The following RGS7 variants were observed in gnomAD, a reference collection of about 807,000 sequenced individuals.
RGS7 encodes regulator of G-protein signaling 7.
A neutral mutation model predicts 81.1 loss-of-function variants in RGS7; 27 were observed. That is an observed-to-expected ratio of 0.33 (90% CI 0.25 to 0.46). The LOEUF (loss-of-function observed/expected upper bound fraction) is 0.46, where lower values mean the gene tolerates loss of function less well. RGS7 is among the 20% of genes least tolerant of loss of function. RGS7 has a pLI of 1.00. For synonymous variants in RGS7, 208 were observed against 207.7 expected, an observed-to-expected ratio of 1.00 and a Z score of -0.01; for missense variants, 396 against 607.4, an observed-to-expected ratio of 0.65 and a Z score of 3.66.
chr1:241,139,019 T>G (rs1186726746), intron 2 of RGS7, among the ~76,000 whole-genome samples: 3 of 152,190 alleles, frequency 2.0e-5, no homozygotes, highest in African/African-American at 4.8e-5. Context: ...CACTACAGAT[T>G]GGCCTTTTCT....
rs2068180504 is a variant in RGS7, at chr1:241,144,783, G to GA, written c.79-46022dup. On this transcript the variant is annotated intron_variant, in intron 2 of 18. Transcript: ENST00000440928. The surrounding 1 kb of genome is among the most constrained non-coding windows in gnomAD (Gnocchi z 4.7). ...CCCCACAGCCGCCTGTTGGGCAAAG[G>GA]AACCCTGGAACTCGTTGAGGTTGCA... 6.6e-6 allele frequency among the ~76,000 whole-genome samples: 1 copy of GA among 152,146 alleles called. No homozygotes were observed. Among genetic ancestry groups the GA allele is most frequent in the South Asian group, 2.1e-4 (1 of 4,826 alleles).
chr1:241,319,570 G>C (rs1186706283), intron 2 of RGS7, among the ~76,000 whole-genome samples: 2 of 151,878 alleles, frequency 1.3e-5, no homozygotes, highest in African/African-American at 2.4e-5. Context: ...TGTCACCCAG[G>C]CTGGAGTTCA....
chr1:240,794,225 G>A (rs964746210), intron 18 of RGS7, among the ~76,000 whole-genome samples: 2 of 151,928 alleles, frequency 1.3e-5, no homozygotes, highest in Non-Finnish European at 1.5e-5. Context: ...TCTAGAAAAA[G>A]AACTTTCTGA....
At chr1:241,334,254 C>G (rs757270425) in intron 2 of RGS7, among the ~76,000 whole-genome samples, 1 of 152,064 alleles carries the variant, frequency 6.6e-6, no homozygotes, top group Admixed American at 6.6e-5. Flanking sequence ...AGTTAAAAAT[C>G]TTTTTCCCAT....
At chr1:240,944,260 A>ATGTGTG (rs35591630) in intron 4 of RGS7, among the ~76,000 whole-genome samples, 1,271 of 51,684 alleles carry the variant, frequency 0.025, 70 homozygotes, top group African/African-American at 0.039. Context: ...GTTATATTAT[A>ATGTGTG]TGTGTGTGTG....
At position 241,219,175 on chromosome 1, in the gene RGS7, C is replaced by G. The variant is rs569025430; in HGVS notation, c.79-120413G>C. Among the ~76,000 whole-genome samples, 18 of 152,278 alleles carry G rather than the reference C, an allele frequency of 1.2e-4. No homozygotes were observed. The South Asian group carries it at 3.7e-3, about 32-fold the overall frequency. On this transcript the variant is annotated intron_variant, in intron 2 of 18. Transcript: ENST00000440928. ...GGTTTGGCTGTGTCCCCACCCAAAT[C>G]TCATCTTGGATTTCCACATGTTGTG... is the stretch of plus-strand genomic sequence containing the variant.
intron 3 of RGS7, among the ~76,000 whole-genome samples, chr1:241,018,521 T>A (rs879803639): frequency 6.6e-6 from 1 of 152,086 alleles, no homozygotes; most frequent in Non-Finnish European, 1.5e-5. Flanking sequence ...TTGTTTCTAT[T>A]TTTTTGTCTT....
At chr1:240,855,327 A>G (rs74970397) in intron 9 of RGS7, among the ~76,000 whole-genome samples, 10,053 of 36,616 alleles carry the variant, frequency 0.27, 2,829 homozygotes, top group African/African-American at 0.57. Context: ...AAAAAAAAAA[A>G]GGAGAAACAA....
chr1:240,972,444 G>A (rs536129797), intron 4 of RGS7, among the ~76,000 whole-genome samples: 2 of 143,352 alleles, frequency 1.4e-5, no homozygotes, highest in East Asian at 4.1e-4. Context: ...ACTATCGCAA[G>A]AACAAAAAAC....
intron 2 of RGS7, among the ~76,000 whole-genome samples, chr1:241,279,854 T>G (rs1422591191): frequency 6.6e-6 from 1 of 152,208 alleles, no homozygotes; most frequent in Non-Finnish European, 1.5e-5. Flanking sequence ...CAGCCCAACT[T>G]TCTAGAGATT....
At chr1:241,269,665 G>A (rs1035459569) in intron 2 of RGS7, among the ~76,000 whole-genome samples, 5 of 152,128 alleles carry the variant, frequency 3.3e-5, no homozygotes, top group African/African-American at 7.2e-5. Context: ...GGAAGAAATC[G>A]AAAAAGAAAG....
At chr1:241,303,119 A>G (rs2079872683) in intron 2 of RGS7, among the ~76,000 whole-genome samples, 1 of 145,430 alleles carries the variant, frequency 6.9e-6, no homozygotes, top group South Asian at 2.2e-4. Context: ...TTACTATCTG[A>G]TATGGTTTGG....
chr1:241,114,101 G>T (rs1482822439), intron 2 of RGS7, among the ~76,000 whole-genome samples: 6 of 152,062 alleles, frequency 3.9e-5, no homozygotes, highest in Non-Finnish European at 7.4e-5. Context: ...ACAGAATTCT[G>T]ACCCACAGCC....
At chr1:241,259,667 A>AAAAAAAAAAAAAAAAAAAAATATATATAT in intron 2 of RGS7, among the ~76,000 whole-genome samples, 1 of 49,146 alleles carries the variant, frequency 2.0e-5, no homozygotes, top group Non-Finnish European at 3.6e-5. Context: ...AAAAAAAAAA[A>AAAAAAAAAAAAAAAAAAAAATATATATAT]ATATATATAT....
intron 4 of RGS7, among the ~76,000 whole-genome samples, chr1:240,956,160 T>C (rs1425449342): frequency 6.6e-6 from 1 of 152,138 alleles, no homozygotes; most frequent in Non-Finnish European, 1.5e-5. Context: ...TCATTTCACT[T>C]GATGCACACA....
intron 3 of RGS7, among the ~76,000 whole-genome samples, chr1:241,057,054 CTT>C (rs5782173): frequency 2.0e-5 from 3 of 147,510 alleles, no homozygotes; most frequent in African/African-American, 2.5e-5. Context: ...ATTTCCAAGA[CTT>C]TTTTTTTTTC....
intron 2 of RGS7, among the ~76,000 whole-genome samples, chr1:241,156,971 C>G (rs2069202923): frequency 1.3e-5 from 2 of 152,172 alleles, no homozygotes; most frequent in South Asian, 2.1e-4. Flanking sequence ...ATTCCAAACT[C>G]TAACCACAGT....
intron 10 of RGS7, among the ~76,000 whole-genome samples, chr1:240,826,888 G>A (rs778231749): frequency 2.0e-5 from 3 of 151,902 alleles, no homozygotes; most frequent in African/African-American, 7.3e-5. Flanking sequence ...TGTTCCTCTC[G>A]TCTCAGTCAG....
At chr1:241,252,682 C>T (rs2076891753) in intron 2 of RGS7, among the ~76,000 whole-genome samples, 1 of 152,140 alleles carries the variant, frequency 6.6e-6, no homozygotes, top group African/African-American at 2.4e-5. Flanking sequence ...GTTGCTAAGC[C>T]TCAGGACTCC....
Sources: allele counts gnomAD v4.1 joint callset (sites outside exome capture counted in the v4.1 genomes callset), GRCh38; gene constraint gnomAD v4.1.1; non-coding constraint Gnocchi (gnomAD v3.1); transcripts MANE v1.5; gene names NCBI Gene and HGNC (gene_info 2026-07-23, HGNC 2026-07-21).